THSD7B: variants seen among roughly 807,000 people sequenced by gnomAD.
The protein encoded by THSD7B is thrombospondin type-1 domain-containing protein 7B.
THSD7B carries 138 observed loss-of-function variants against 213.6 expected under a neutral mutation model. That is an observed-to-expected ratio of 0.65 (90% CI 0.56 to 0.74). The LOEUF (loss-of-function observed/expected upper bound fraction) is 0.74. Ranked by LOEUF, THSD7B falls within the 30% of genes least tolerant of loss-of-function variation. THSD7B has a pLI of 0.00. For missense variants in THSD7B, 1,931 were observed against 1,991.5 expected, an observed-to-expected ratio of 0.97 and a Z score of 0.58; for synonymous variants, 742 against 687.0, an observed-to-expected ratio of 1.08 and a Z score of -1.25.
At chr2:137,169,445 A>T (rs1179756955) in intron 6 of THSD7B, among the ~76,000 whole-genome samples, 1 of 151,910 alleles carries the variant, frequency 6.6e-6, no homozygotes, top group African/African-American at 2.4e-5. Context: ...TAACTTTTTC[A>T]TGAGAGAGAT....
chr2:137,579,518 G>GCA (rs145650148), intron 17 of THSD7B, among the ~76,000 whole-genome samples: 9 of 140,020 alleles, frequency 6.4e-5, no homozygotes, highest in African/African-American at 2.0e-4. Flanking sequence ...GTGAGTACAT[G>GCA]CACACACACA....
chr2:137,454,280 A>G (rs897350246), intron 15 of THSD7B, among the ~76,000 whole-genome samples: 3 of 152,182 alleles, frequency 2.0e-5, no homozygotes, highest in African/African-American at 7.2e-5. Context: ...ACCATGAGTT[A>G]ATTGATCAGG....
At chr2:137,413,763 G>C (rs1901795) in intron 14 of THSD7B, among the ~76,000 whole-genome samples, 8,674 of 152,208 alleles carry the variant, frequency 0.057, 345 homozygotes, top group South Asian at 0.085. Context: ...GCAGTCATCA[G>C]CTTGGAAGTG....
intron 1 of THSD7B, among the ~76,000 whole-genome samples, chr2:136,782,830 CCA>C (rs1392584614): frequency 6.6e-6 from 1 of 151,904 alleles, no homozygotes; most frequent in Non-Finnish European, 1.5e-5. Context: ...TAGAACCATT[CCA>C]CAGTGTGTAT....
At chr2:137,623,258 G>T (rs886914386) in intron 20 of THSD7B, among the ~76,000 whole-genome samples, 8 of 152,102 alleles carry the variant, frequency 5.3e-5, no homozygotes, top group Admixed American at 2.6e-4. Context: ...GGCAGAAAAG[G>T]CCTTTGACAA....
intron 2 of THSD7B, among the ~76,000 whole-genome samples, chr2:137,011,640 T>A (rs1406939034): frequency 6.6e-6 from 1 of 152,172 alleles, no homozygotes; most frequent in Non-Finnish European, 1.5e-5. Flanking sequence ...GTGCACTGTG[T>A]CTCCAGCAGG....
chr2:137,381,734 T>C (rs1340593907), intron 12 of THSD7B, among the ~76,000 whole-genome samples: 1 of 152,192 alleles, frequency 6.6e-6, no homozygotes, highest in Non-Finnish European at 1.5e-5. Context: ...GAAGTACTCT[T>C]AACTTTGTGG....
chr2:137,353,270 A>T (rs1685053931), intron 12 of THSD7B, among the ~76,000 whole-genome samples: 2 of 152,072 alleles, frequency 1.3e-5, no homozygotes, highest in African/African-American at 4.8e-5. Context: ...GGAGAAATAG[A>T]TAACCTCATC....
At chr2:137,483,440 A>G (rs185454836) in intron 15 of THSD7B, among the ~76,000 whole-genome samples, 1 of 152,214 alleles carries the variant, frequency 6.6e-6, no homozygotes, top group African/African-American at 2.4e-5. Context: ...AGAAGCTACT[A>G]ATTCCACATG....
intron 15 of THSD7B, among the ~76,000 whole-genome samples, chr2:137,542,555 G>C (rs538666885): frequency 6.6e-6 from 1 of 151,756 alleles, no homozygotes; most frequent in South Asian, 2.1e-4. Flanking sequence ...AACTACCTAA[G>C]TATCGAACAC....
At chr2:137,088,366 CAT>C (rs1314032933) in intron 3 of THSD7B, among the ~76,000 whole-genome samples, 11 of 151,856 alleles carry the variant, frequency 7.2e-5, no homozygotes, top group African/African-American at 2.4e-4. Context: ...CAAACAAAAA[CAT>C]AAAATGAGGA....
chr2:137,662,485 G>C (rs1683369265), intron 25 of THSD7B, among the ~76,000 whole-genome samples: 1 of 151,932 alleles, frequency 6.6e-6, no homozygotes, highest in Admixed American at 6.6e-5. Context: ...ATCACCTGAT[G>C]GTTGCCTGAC....
chr2:137,354,915 G>A (rs1685095772), intron 12 of THSD7B, among the ~76,000 whole-genome samples: 1 of 151,802 alleles, frequency 6.6e-6, no homozygotes, highest in Admixed American at 6.6e-5. Flanking sequence ...TAACAGTGAA[G>A]CTTCAAGCAG....
intron 15 of THSD7B, among the ~76,000 whole-genome samples, chr2:137,550,552 C>G (rs554725861): frequency 2.9e-4 from 44 of 152,188 alleles, no homozygotes; most frequent in African/African-American, 1.1e-3. Context: ...TAACTATGGT[C>G]TTTGAGACAA....
chr2:137,175,155 A>C (rs912900026), intron 7 of THSD7B, among the ~76,000 whole-genome samples: 4 of 152,194 alleles, frequency 2.6e-5, no homozygotes, highest in African/African-American at 7.2e-5. Context: ...CCCACAATGC[A>C]AAGTGGGCAG....
At chr2:137,017,286 T>A (rs1686359535) in intron 2 of THSD7B, among the ~76,000 whole-genome samples, 1 of 130,496 alleles carries the variant, frequency 7.7e-6, no homozygotes, top group Admixed American at 7.4e-5. Context: ...GCTTCCATGT[T>A]TTTTTTTTTT....
chr2:137,182,241 G>A (rs1241406178), intron 7 of THSD7B, among the ~76,000 whole-genome samples: 1 of 152,182 alleles, frequency 6.6e-6, no homozygotes, highest in African/African-American at 2.4e-5. Flanking sequence ...GAACTTGGCA[G>A]GGAGCACAGT....
intron 12 of THSD7B, among the ~76,000 whole-genome samples, chr2:137,297,853 C>T (rs553928875): frequency 8.5e-5 from 13 of 152,226 alleles, no homozygotes; most frequent in African/African-American, 1.7e-4. Context: ...CCTCCAGCCA[C>T]GTGGAACTGT....
chr2:137,489,380 C>T (rs1688554728), intron 15 of THSD7B, among the ~76,000 whole-genome samples: 2 of 149,252 alleles, frequency 1.3e-5, no homozygotes, highest in Non-Finnish European at 3.0e-5. Flanking sequence ...GCCAAGATCG[C>T]ACCATGGCAC....
Sources: allele counts gnomAD v4.1 joint callset (sites outside exome capture counted in the v4.1 genomes callset), GRCh38; gene constraint gnomAD v4.1.1; transcripts MANE v1.5; gene names NCBI Gene and HGNC (gene_info 2026-07-23, HGNC 2026-07-21).